Variants in TNR observed in about 807,000 individuals in gnomAD.
TNR encodes tenascin-R.
TNR carries 45 observed loss-of-function variants against 150.4 expected under a neutral mutation model. The observed-to-expected ratio is 0.30, with a 90% CI of 0.24 to 0.38. The LOEUF (loss-of-function observed/expected upper bound fraction) is 0.38, where lower values mean the gene tolerates loss of function less well. TNR is among the 10% of genes least tolerant of loss of function. TNR has a pLI of 1.00. For missense variants in TNR, 1,544 were observed against 1,759.1 expected, an observed-to-expected ratio of 0.88 and a Z score of 2.19; for synonymous variants, 687 against 678.4, an observed-to-expected ratio of 1.01 and a Z score of -0.20.
intron 2 of TNR, among the ~76,000 whole-genome samples, chr1:175,409,126 C>T (rs765255322): frequency 5.3e-5 from 8 of 152,250 alleles, no homozygotes; most frequent in Non-Finnish European, 1.2e-4. Flanking sequence ...AGCATCACTT[C>T]TACCCTCCTA....
At chr1:175,702,132 G>T (rs1248169502) in intron 1 of TNR, among the ~76,000 whole-genome samples, 2 of 152,076 alleles carry the variant, frequency 1.3e-5, no homozygotes, top group Non-Finnish European at 2.9e-5. Context: ...ATACTCTAAG[G>T]GTGACTCTGA....
intron 20 of TNR, chr1:175,335,302 A>T (rs1650180714): frequency 6.1e-6 from 1 of 164,052 alleles, no homozygotes; most frequent in Non-Finnish European, 1.3e-5. Context: ...AGGTAATAAC[A>T]TTCTCCAAGG....
intron 4 of TNR, among the ~76,000 whole-genome samples, chr1:175,399,705 T>G (rs1365037540): frequency 1.3e-5 from 2 of 152,224 alleles, no homozygotes; most frequent in African/African-American, 2.4e-5. Context: ...CAAAGTATTC[T>G]TAGCCTTACT....
chr1:175,681,268 A>G lies in TNR; in HGVS notation c.-165+61958T>C, dbSNP rs185003346. On this transcript the variant is annotated intron_variant, in intron 1 of 22. Transcript: ENST00000367674. ...ATCAGTGCAGGAGGCCACGTGAGGA[A>G]GCCCGAGCCCAGAAAGAGAAGGAGA... is the stretch of plus-strand genomic sequence containing the variant. Among the ~76,000 whole-genome samples, 572 of 152,308 alleles carry G rather than the reference A, an allele frequency of 3.8e-3. 3 individuals are homozygous for G. The highest frequency in any genetic ancestry group is 0.013 in the African/African-American group (538 of 41,568).
chr1:175,726,893 A>G (rs930064522), intron 1 of TNR, among the ~76,000 whole-genome samples: 3 of 152,206 alleles, frequency 2.0e-5, no homozygotes, highest in Admixed American at 2.0e-4. Flanking sequence ...GTAAATCAAC[A>G]AAGAGGTGGA....
chr1:175,388,985 T>A (rs549867388), intron 7 of TNR, among the ~76,000 whole-genome samples: 1 of 152,260 alleles, frequency 6.6e-6, no homozygotes, highest in Non-Finnish European at 1.5e-5. Context: ...ATGTTTTCTA[T>A]CCTCTTATGA....
At chr1:175,359,788 G>C (rs979196119) in intron 14 of TNR, 57 bp from the exon 15 acceptor site, 1 of 1,551,708 alleles carries the variant, frequency 6.4e-7, no homozygotes, top group African/African-American at 1.4e-5. Context: ...TAGAAATGCA[G>C]GGAATGATCT....
At chr1:175,335,007 C>A (rs904084840) in intron 20 of TNR, among the ~76,000 whole-genome samples, 6 of 152,112 alleles carry the variant, frequency 3.9e-5, no homozygotes, top group Admixed American at 3.9e-4. Flanking sequence ...GAGATAGTGG[C>A]AGGGAAGACA....
At chr1:175,418,263 CA>C (rs1654591675) in intron 2 of TNR, among the ~76,000 whole-genome samples, 1 of 152,132 alleles carries the variant, frequency 6.6e-6, no homozygotes, top group African/African-American at 2.4e-5. Context: ...GCATAAATAG[CA>C]GGACATGAGA....
chr1:175,620,290 C>T (rs982717096), intron 1 of TNR, among the ~76,000 whole-genome samples: 1 of 152,180 alleles, frequency 6.6e-6, no homozygotes, highest in Non-Finnish European at 1.5e-5. Flanking sequence ...TTATTACCAA[C>T]CCCACAGTTA....
At chr1:175,402,175 T>C (rs990997812) in intron 4 of TNR, among the ~76,000 whole-genome samples, 3 of 151,376 alleles carry the variant, frequency 2.0e-5, no homozygotes, top group Admixed American at 6.6e-5. Context: ...GGCGCGGTGG[T>C]GGGCGCCTGT....
intron 1 of TNR, among the ~76,000 whole-genome samples, chr1:175,647,292 T>C (rs924697874): frequency 6.6e-6 from 1 of 152,226 alleles, no homozygotes; most frequent in African/African-American, 2.4e-5. Flanking sequence ...GCACAAAAAA[T>C]GGTTCAAGTG....
At chr1:175,365,308 G>C (rs781610722) in intron 11 of TNR, 29 bp from the exon 12 acceptor site, 1 of 1,568,674 alleles carries the variant, frequency 6.4e-7, no homozygotes, top group Non-Finnish European at 8.7e-7. Context: ...GGATGGTCCT[G>C]AAACACGTGA....
chr1:175,421,944 C>A (rs1179838901), intron 2 of TNR, among the ~76,000 whole-genome samples: 1 of 152,238 alleles, frequency 6.6e-6, no homozygotes, highest in Non-Finnish European at 1.5e-5. Flanking sequence ...CACATGCCAA[C>A]CAATCTTCTA....
At chr1:175,596,272 AGGAGCT>A (rs1278634818) in intron 1 of TNR, among the ~76,000 whole-genome samples, 1 of 152,186 alleles carries the variant, frequency 6.6e-6, no homozygotes, top group African/African-American at 2.4e-5. Flanking sequence ...CACGGTAAGA[AGGAGCT>A]GGAGCTGAGG....
At chr1:175,326,608 C>T (rs1282006642) in intron 21 of TNR, among the ~76,000 whole-genome samples, 1 of 152,206 alleles carries the variant, frequency 6.6e-6, no homozygotes, top group Non-Finnish European at 1.5e-5. Flanking sequence ...CACTCTTTCC[C>T]ATCTCTTCCA....
chr1:175,356,543 C>A (rs2102006853), intron 15 of TNR, 81 bp from the exon 16 acceptor site: 3 of 1,543,620 alleles, frequency 1.9e-6, no homozygotes, highest in South Asian at 1.2e-5. Flanking sequence ...AGGTATTTCA[C>A]ATGGATTTAC....
chr1:175,356,523 C>A, intron 15 of TNR, 61 bp from the exon 16 acceptor site: 1 of 1,588,304 alleles, frequency 6.3e-7, no homozygotes, highest in Non-Finnish European at 8.6e-7. Context: ...GAAAGATCTA[C>A]CAAATCCAAA....
intron 2 of TNR, among the ~76,000 whole-genome samples, chr1:175,440,643 G>A (rs1478376486): frequency 6.6e-6 from 1 of 151,514 alleles, no homozygotes; most frequent in Non-Finnish European, 1.5e-5. Flanking sequence ...AAGTGAGAGG[G>A]GAACCAAAAG....
Sources: gnomAD v4.1 joint callset for allele counts (sites outside exome capture counted in the v4.1 genomes callset) on GRCh38, gnomAD v4.1.1 for gene constraint, MANE v1.5 for transcripts, NCBI Gene and HGNC (gene_info 2026-07-23, HGNC 2026-07-21) for gene names.